RAB6A: variants seen among roughly 807,000 people sequenced by gnomAD.
RAB6A encodes RAB6A, member RAS oncogene family, also known as ras-related protein Rab-6A.
A neutral mutation model predicts 32.3 loss-of-function variants in RAB6A; 8 were observed. That is an observed-to-expected ratio of 0.25 (90% CI 0.15 to 0.45). RAB6A has a LOEUF of 0.45. RAB6A is among the 20% of genes least tolerant of loss of function. The probability of loss-of-function intolerance (pLI) is 1.00; values close to 1 mark genes in which losing one functional copy is unlikely to be tolerated. For synonymous variants in RAB6A, 73 were observed against 82.1 expected (o/e 0.89, Z 0.60); for missense variants, 104 against 249.4 (o/e 0.42, Z 3.93).
rs751685774 is a variant in RAB6A, at chr11:73,716,372, G to A, written c.290-10C>T. The A allele has an allele frequency of 2.5e-6, 4 of 1,592,326 alleles. No homozygotes were observed. The highest frequency in any genetic ancestry group is 1.3e-5 in the African/African-American group (1 of 74,514). Reference sequence around the variant, plus strand: ...TGGAATGAGTTAACATCTAGTATAGGAGGGTAGACAGAGAGATTAGTGTTG... The same window carrying A: ...TGGAATGAGTTAACATCTAGTATAGAAGGGTAGACAGAGAGATTAGTGTTG... On this transcript the variant is annotated splice_polypyrimidine_tract_variant and intron_variant, in intron 4 of 7. Coordinates refer to ENST00000336083, the MANE Select transcript of RAB6A (RefSeq NM_198896.2).
In RAB6A at chr11:73,716,379, G is replaced by C. The variant is rs756748912; in HGVS notation, c.290-17C>G. On this transcript the variant is annotated splice_polypyrimidine_tract_variant and intron_variant, in intron 4 of 7. Transcript: ENST00000336083. The stretch of plus-strand genomic sequence containing the variant: ...AGTTAACATCTAGTATAGGAGGGTA[G>C]ACAGAGAGATTAGTGTTGCTGAAAA... The C allele has an allele frequency of 1.9e-6, 3 of 1,581,114 alleles. No homozygotes were observed. The highest frequency in any genetic ancestry group is 2.2e-5 in the East Asian group (1 of 44,644).
At position 73,739,284 on chromosome 11, in the gene RAB6A, AATATATATATAT is replaced by A. The variant is rs1555066941; in HGVS notation, c.71-8473_71-8462del. Among the ~76,000 whole-genome samples the A allele has an allele frequency of 8.9e-4, 6 of 6,760 alleles. 1 individual carries two copies. Among genetic ancestry groups the A allele is most frequent in the Admixed American group, 6.9e-3 (2 of 290 alleles). 4.4% of individuals were successfully genotyped at this position (6,760 alleles called of 152,430 possible). On this transcript the variant is annotated intron_variant, in intron 1 of 7. Coordinates refer to ENST00000336083, the MANE Select transcript of RAB6A (RefSeq NM_198896.2). ...TAATTAAAAAAAAAAAAAAAAAAAA[AATATATATATAT>A]ATATATATAAATACTGGAACACCAA...
chr11:73,714,169 G>A (rs1435587522), intron 5 of RAB6A, among the ~76,000 whole-genome samples: 1 of 103,754 alleles, frequency 9.6e-6, no homozygotes, highest in Non-Finnish European at 1.8e-5. Flanking sequence ...TCCAGCCTAA[G>A]CAACAAGAGC....
chr11:73,755,865 A>AGAAGAAGAGGAGGAGGAGGAG (rs1946741473), intron 1 of RAB6A, among the ~76,000 whole-genome samples: 1 of 108,416 alleles, frequency 9.2e-6, no homozygotes, highest in Non-Finnish European at 2.3e-5. Flanking sequence ...AGGAGGAGGA[A>AGAAGAAGAGGAGGAGGAGGAG]GAAGAACAAG....
At chr11:73,740,543 G>C (rs766953583) in intron 1 of RAB6A, among the ~76,000 whole-genome samples, 1 of 151,300 alleles carries the variant, frequency 6.6e-6, no homozygotes, top group Non-Finnish European at 1.5e-5. Flanking sequence ...TTCTCTAAAA[G>C]ACCTAAATTG....
rs1945264985 is a variant in RAB6A, at chr11:73,675,998, A to G, written c.*1900T>C. 7.1e-6 allele frequency: 1 copy of G among 139,868 alleles called. No individual in the cohort carries two copies. Among genetic ancestry groups the G allele is most frequent in the African/African-American group, 2.6e-5 (1 of 38,872 alleles). The allele number at this position is 139,868 out of a possible 1,614,324, so 8.7% of individuals were successfully genotyped here. A position where few individuals can be genotyped will look rare whatever the true frequency, so the allele number is the denominator to read the frequency against. ...TATTGTATTATAAAAGCACTTTACA[A>G]CTCCATCCCATCTTTAAGTATAAGT... On this transcript the variant is annotated 3_prime_UTR_variant, in exon 8 of 8. Coordinates refer to ENST00000336083, the MANE Select transcript of RAB6A (RefSeq NM_198896.2).
chr11:73,679,741 T>C (rs759976216), intron 6 of RAB6A, 21 bp from the exon 7 acceptor site: 17 of 1,613,250 alleles, frequency 1.1e-5, no homozygotes, highest in Non-Finnish European at 1.4e-5. Flanking sequence ...GAGAGAAAAG[T>C]GATAACTGAG....
chr11:73,727,249 C>A (rs1171207687), intron 2 of RAB6A, among the ~76,000 whole-genome samples: 2 of 151,548 alleles, frequency 1.3e-5, no homozygotes, highest in Non-Finnish European at 2.9e-5. Flanking sequence ...TGGCAAAAAC[C>A]CATCTGTACA....
chr11:73,741,464 A>G (rs770575756), intron 1 of RAB6A, among the ~76,000 whole-genome samples: 4 of 152,036 alleles, frequency 2.6e-5, no homozygotes, highest in Non-Finnish European at 5.9e-5. Flanking sequence ...CATATGATCC[A>G]GCGACCATGC....
At chr11:73,681,795 C>T (rs1728730594) in intron 6 of RAB6A, among the ~76,000 whole-genome samples, 1 of 151,946 alleles carries the variant, frequency 6.6e-6, no homozygotes, top group Non-Finnish European at 1.5e-5. Flanking sequence ...GGCGACAGAG[C>T]AAGACTCTGT....
rs188589649 is a variant in RAB6A at position 73,745,842 on chromosome 11, A to G, written c.70+14724T>C. On this transcript the variant is annotated intron_variant, in intron 1 of 7. Transcript: ENST00000336083. ...GTGAAACTCCATCTCAAAAAAAATA[A>G]AAAAATTAGCAGGACATGGTGGTGG... is the stretch of plus-strand genomic sequence containing the variant. Among the ~76,000 whole-genome samples the G allele has an allele frequency of 1.8e-3, 276 of 151,988 alleles. 6 individuals carry two copies. Among genetic ancestry groups the G allele is most frequent in the Admixed American group, 0.017 (253 of 15,228 alleles).
intron 6 of RAB6A, among the ~76,000 whole-genome samples, chr11:73,702,768 A>G (rs1945766961): frequency 6.6e-6 from 1 of 152,218 alleles, no homozygotes; most frequent in Admixed American, 6.5e-5. Context: ...TTATACCTGT[A>G]AATACATTTA....
intron 6 of RAB6A, among the ~76,000 whole-genome samples, chr11:73,690,697 TAA>T (rs34099966): frequency 0.019 from 2,185 of 117,924 alleles, 18 homozygotes; most frequent in Middle Eastern, 0.04. Context: ...TGTAACATCT[TAA>T]AAAAAAAAAA....
intron 2 of RAB6A, among the ~76,000 whole-genome samples, chr11:73,725,862 A>C (rs539268732): frequency 6.6e-6 from 1 of 152,218 alleles, no homozygotes; most frequent in African/African-American, 2.4e-5. Context: ...TTTAAAAACA[A>C]CATGGAAGGG....
chr11:73,677,311 GTAAT>G lies in RAB6A; in HGVS notation c.*583_*586del, dbSNP rs771467218. The G allele has an allele frequency of 2.6e-4, 44 of 168,692 alleles. 1 individual carries two copies. Among genetic ancestry groups the G allele is most frequent in the Non-Finnish European group, 6.3e-4 (44 of 69,310 alleles). The allele number at this position is 168,692 out of a possible 1,614,324, so 10.4% of individuals were successfully genotyped here. ...CTGAATTTTGACCTCAAAGAAGACC[GTAAT>G]TTATATCAGTGCTCAAGAATAATTT... On this transcript the variant is annotated 3_prime_UTR_variant, in exon 8 of 8. Transcript: ENST00000336083.
At chr11:73,686,354 G>A (rs746026257) in intron 6 of RAB6A, among the ~76,000 whole-genome samples, 7 of 152,058 alleles carry the variant, frequency 4.6e-5, no homozygotes, top group African/African-American at 7.2e-5. Flanking sequence ...TCAGGAGTTC[G>A]ACCAGCTTGG....
At chr11:73,738,563 G>T (rs534121500) in intron 1 of RAB6A, among the ~76,000 whole-genome samples, 1 of 152,150 alleles carries the variant, frequency 6.6e-6, no homozygotes, top group Non-Finnish European at 1.5e-5. Context: ...GAGGCAGGAA[G>T]ATTCAAGCCC....
In RAB6A at chr11:73,718,625, AAAC is replaced by A; in HGVS notation, c.274_276del (p.Val92del). On this transcript the variant is annotated inframe_deletion, in exon 4 of 8. Transcript: ENST00000336083. ...TCCCTCCACTCACTTGTGATATCAT[AAAC>A]AACAACTGCCACAGTGGAGTCACGA... 2.5e-6 allele frequency: 4 copies of A among 1,613,052 alleles called. No individual in the cohort carries two copies. The highest frequency in any genetic ancestry group is 3.4e-6 in the Non-Finnish European group (4 of 1,179,420).
At chr11:73,733,586 T>TA (rs1946350568) in intron 1 of RAB6A, among the ~76,000 whole-genome samples, 2 of 149,578 alleles carry the variant, frequency 1.3e-5, no homozygotes, top group South Asian at 4.2e-4. Flanking sequence ...AATAAATAAA[T>TA]AAATAAAGAG....
Sources: allele counts gnomAD v4.1 joint callset (sites outside exome capture counted in the v4.1 genomes callset), GRCh38; gene constraint gnomAD v4.1.1; transcripts MANE v1.5; gene names NCBI Gene and HGNC (gene_info 2026-07-23, HGNC 2026-07-21).